Variants in BMF observed in about 807,000 individuals in gnomAD.
BMF encodes Bcl2 modifying factor.
A neutral mutation model predicts 22.0 loss-of-function variants in BMF; 10 were observed. The observed-to-expected ratio is 0.45, with a 90% CI of 0.28 to 0.77. The LOEUF is 0.77. BMF is among the 30% of genes least tolerant of loss of function. The pLI is 0.13. For synonymous variants in BMF, 87 were observed against 88.1 expected, an observed-to-expected ratio of 0.99 and a Z score of 0.07; for missense variants, 206 against 226.8, an observed-to-expected ratio of 0.91 and a Z score of 0.59.
chr15:40,092,890 G>C (rs1335475049), intron 4 of BMF, among the ~76,000 whole-genome samples: 1 of 152,174 alleles, frequency 6.6e-6, no homozygotes, highest in Non-Finnish European at 1.5e-5. Context: ...GTTCTCACTG[G>C]ACAGGGGAAT....
intron 4 of BMF, among the ~76,000 whole-genome samples, chr15:40,095,369 G>A (rs1372452605): frequency 6.6e-6 from 1 of 152,244 alleles, no homozygotes; most frequent in Non-Finnish European, 1.5e-5. Context: ...GAGGAAGGAA[G>A]TTGGCCTTCA....
Position 40,106,803 on chromosome 15 carries a change from C to T in BMF, c.-5-712G>A, listed in dbSNP as rs955557302. 5.9e-5 allele frequency among the ~76,000 whole-genome samples: 9 copies of T among 152,178 alleles called. No individual in the cohort carries two copies. The highest frequency in any genetic ancestry group is 8.8e-5 in the Non-Finnish European group (6 of 68,030). ...AAGCTAGTCATTGCAGCTGCCGTCT[C>T]GGCTCTCTTTGAGCAGAGTTGAGCT... On this transcript the variant is annotated intron_variant, in intron 2 of 4. Transcript: ENST00000354670. This position sits in a 1 kb window ranked among gnomAD's most constrained non-coding sequence, Gnocchi z 4.1.
intron 4 of BMF, among the ~76,000 whole-genome samples, chr15:40,097,798 C>T (rs367649041): frequency 6.6e-6 from 1 of 152,294 alleles, no homozygotes; most frequent in East Asian, 1.9e-4. Flanking sequence ...TTGCAGAGCA[C>T]GTCTCTCAAT....
At position 40,089,055 on chromosome 15, in the gene BMF, C is replaced by T. The variant is rs1156825491; in HGVS notation, c.*2732G>A. The T allele has an allele frequency of 6.5e-6, 1 of 152,698 alleles. No individual in the cohort carries two copies. Among genetic ancestry groups the T allele is most frequent in the African/African-American group, 2.4e-5 (1 of 41,446 alleles). The allele number at this position is 152,698 out of a possible 1,614,324, so 9.5% of individuals were successfully genotyped here. A position where few individuals can be genotyped will look rare whatever the true frequency, so the allele number is the denominator to read the frequency against. On this transcript the variant is annotated 3_prime_UTR_variant, in exon 5 of 5. Coordinates refer to ENST00000354670, the MANE Select transcript of BMF (RefSeq NM_001003940.2). The stretch of plus-strand genomic sequence containing the variant: ...AAGGTTTCCAGTCCCTCTCCCAACC[C>T]CCACCCTCAGCAAGCCACAAAGCCT...
At chr15:40,108,226 A>ACACACACG in intron 2 of BMF, 33 bp downstream of exon 2, 1 of 148,934 alleles carries the variant, frequency 6.7e-6, no homozygotes, top group South Asian at 2.1e-4. Context: ...AGGAACACAC[A>ACACACACG]CACACACACA....
intron 4 of BMF, among the ~76,000 whole-genome samples, chr15:40,100,235 G>C (rs1038621624): frequency 6.6e-6 from 1 of 152,214 alleles, no homozygotes; most frequent in Non-Finnish European, 1.5e-5. Context: ...TTAGGCTCGT[G>C]CTGAATGAGG....
chr15:40,103,223 C>T (rs1379016643), intron 4 of BMF, among the ~76,000 whole-genome samples: 3 of 152,258 alleles, frequency 2.0e-5, no homozygotes, highest in Non-Finnish European at 2.9e-5. Flanking sequence ...CACAAACACA[C>T]ATTCAGAGCC....
intron 1 of BMF, 91 bp downstream of exon 1, chr15:40,108,682 G>GC (rs1249116909): frequency 6.6e-6 from 1 of 152,572 alleles, no homozygotes; most frequent in African/African-American, 2.4e-5. Flanking sequence ...CCCTTCCCGG[G>GC]CCCCCGTGCG....
intron 2 of BMF, among the ~76,000 whole-genome samples, chr15:40,107,433 G>T (rs1368050503): frequency 6.6e-6 from 1 of 152,070 alleles, no homozygotes; most frequent in East Asian, 1.9e-4. Flanking sequence ...CTGTCCCTGA[G>T]CTGTCTATGG....
rs1041999471 is a variant in BMF at position 40,087,947 on chromosome 15, CACAT to C, written c.*3836_*3839del. 3 of 152,244 alleles carry C rather than the reference CACAT, an allele frequency of 2.0e-5. No homozygotes were observed. The highest frequency in any genetic ancestry group is 2.9e-5 in the Non-Finnish European group (2 of 68,046). The allele number at this position is 152,244 out of a possible 1,614,324, so 9.4% of individuals were successfully genotyped here. ...CAATTGATGGGGGGAAAGATATACA[CACAT>C]ACACACATATGCATGTGAAGAACAT... On this transcript the variant is annotated 3_prime_UTR_variant, in exon 5 of 5. Transcript: ENST00000354670.
Position 40,092,326 on chromosome 15 carries a change from AG to A in BMF, c.454-439del, listed in dbSNP as rs957455526. Among the ~76,000 whole-genome samples, 21 of 152,134 alleles carry A rather than the reference AG, an allele frequency of 1.4e-4. No individual in the cohort carries two copies. The South Asian group carries it at 2.3e-3, about 17-fold the overall frequency. On this transcript the variant is annotated intron_variant, in intron 4 of 4. Coordinates refer to ENST00000354670, the MANE Select transcript of BMF (RefSeq NM_001003940.2). ...AAAGTAACACAGAGAACAAGGGGAA[AG>A]GGGGGGCCTCCATCTGCAAGTGATT...
chr15:40,104,423 G>C, intron 3 of BMF, 83 bp from the exon 4 acceptor site: 1 of 1,539,990 alleles, frequency 6.5e-7, no homozygotes, highest in Non-Finnish European at 8.8e-7. Context: ...GCCAAGATTG[G>C]AGGCTGAGGG....
intron 4 of BMF, among the ~76,000 whole-genome samples, chr15:40,093,456 G>T (rs550935541): frequency 6.6e-6 from 1 of 152,172 alleles, no homozygotes; most frequent in African/African-American, 2.4e-5. Context: ...TGTAAACAAA[G>T]ATGAGTAAAA....
rs997224562 is a variant in BMF at position 40,089,633 on chromosome 15, A to G, written c.*2154T>C. ...GCCTTGCCCCAGCACCAAGATCTAA[A>G]TCATTTTCTCTCTCACTGAACTCAG... On this transcript the variant is annotated 3_prime_UTR_variant, in exon 5 of 5. Coordinates refer to ENST00000354670, the MANE Select transcript of BMF (RefSeq NM_001003940.2). 3.3e-5 allele frequency: 5 copies of G among 152,226 alleles called. No individual in the cohort carries two copies. The highest frequency in any genetic ancestry group is 3.3e-4 in the Admixed American group (5 of 15,290). The allele number at this position is 152,226 out of a possible 1,614,324, so 9.4% of individuals were successfully genotyped here.
At chr15:40,093,577 C>A (rs934222543) in intron 4 of BMF, among the ~76,000 whole-genome samples, 6 of 152,220 alleles carry the variant, frequency 3.9e-5, no homozygotes, top group African/African-American at 1.2e-4. Context: ...CAAAGACCCC[C>A]TCTCCTCCCC....
intron 4 of BMF, among the ~76,000 whole-genome samples, chr15:40,103,771 C>T (rs1036261465): frequency 8.5e-5 from 13 of 152,260 alleles, no homozygotes; most frequent in African/African-American, 3.1e-4. Context: ...CCGTTTCCCA[C>T]TGTACCTTAG....
intron 3 of BMF, among the ~76,000 whole-genome samples, chr15:40,105,290 G>A (rs2036563223): frequency 6.6e-6 from 1 of 152,228 alleles, no homozygotes; most frequent in Non-Finnish European, 1.5e-5. Flanking sequence ...AGCCTTGGAA[G>A]CATCCCCTCT....
chr15:40,095,314 G>C (rs915765357), intron 4 of BMF, among the ~76,000 whole-genome samples: 3 of 152,138 alleles, frequency 2.0e-5, no homozygotes, highest in African/African-American at 7.2e-5. Context: ...GACTAGAAAG[G>C]AAAGAAAAAA....
intron 4 of BMF, among the ~76,000 whole-genome samples, chr15:40,099,464 A>G (rs1320036906): frequency 1.3e-5 from 2 of 152,186 alleles, no homozygotes; most frequent in Admixed American, 6.5e-5. Context: ...CTTCACATCA[A>G]CTAGGCAAGG....
Sources: allele counts gnomAD v4.1 joint callset (sites outside exome capture counted in the v4.1 genomes callset), GRCh38; gene constraint gnomAD v4.1.1; non-coding constraint Gnocchi (gnomAD v3.1); transcripts MANE v1.5; gene names NCBI Gene and HGNC (gene_info 2026-07-23, HGNC 2026-07-21).